The following ZMYM2 variants were observed in gnomAD, a reference collection of about 807,000 sequenced individuals.
The protein encoded by ZMYM2 is zinc finger MYM-type containing 2.
In ZMYM2, 56 loss-of-function variants were observed where a neutral mutation model predicts 162.8. The ratio of observed to expected loss-of-function variants is 0.34; its 90% CI spans 0.28 to 0.43. The LOEUF (loss-of-function observed/expected upper bound fraction) is 0.43, where lower values mean the gene tolerates loss of function less well. ZMYM2 is among the 20% of genes least tolerant of loss of function. ZMYM2 has a pLI of 1.00. For synonymous variants in ZMYM2, 510 were observed against 541.6 expected (o/e 0.94, Z 0.81); for missense variants, 1,275 against 1,621.8 (o/e 0.79, Z 3.67).
At chr13:19,864,270 G>T in the ZMYM2 span, 1 of 154,948 alleles carries the variant, frequency 6.5e-6, no homozygotes, top group Non-Finnish European at 1.5e-5. Context: ...GCCGCGCCCC[G>T]TGGGGAATAG....
At chr13:19,904,452 G>A in the ZMYM2 span, among the ~76,000 whole-genome samples, 7 of 152,096 alleles carry the variant, frequency 4.6e-5, no homozygotes, top group African/African-American at 1.2e-4. Context: ...CAGCTACTTG[G>A]GGGGCTGAGG....
intron 2 of ZMYM2, among the ~76,000 whole-genome samples, chr13:19,966,546 C>T (rs550379111): frequency 1.2e-4 from 18 of 151,824 alleles, no homozygotes; most frequent in Non-Finnish European, 2.6e-4. Flanking sequence ...CCCCTACCTC[C>T]TGGTTTCAAG....
chr13:20,016,097 G>C (rs1315107002), intron 6 of ZMYM2, among the ~76,000 whole-genome samples: 1 of 150,658 alleles, frequency 6.6e-6, no homozygotes, highest in Non-Finnish European at 1.5e-5. Context: ...CTCATTTCCT[G>C]CATTATGGCT....
intron 2 of ZMYM2, among the ~76,000 whole-genome samples, chr13:19,968,074 T>C (rs1229570133): frequency 6.6e-6 from 1 of 152,212 alleles, no homozygotes; most frequent in African/African-American, 2.4e-5. Flanking sequence ...ATCCACTGTC[T>C]GATCTGCACT....
chr13:20,078,484 T>C (rs1957674330), intron 21 of ZMYM2, among the ~76,000 whole-genome samples: 1 of 152,252 alleles, frequency 6.6e-6, no homozygotes. Context: ...TGACAATACT[T>C]GTCTGAACAA....
intron 4 of ZMYM2, 118 bp downstream of exon 4, chr13:20,003,253 A>G: frequency 1.6e-6 from 2 of 1,234,030 alleles, no homozygotes; most frequent in Non-Finnish European, 2.2e-6. Flanking sequence ...TCCAGGTGGC[A>G]TATGGATAAA....
chr13:19,962,513 ATATTTTTTTTTTTTT>A (rs1268487068), intron 2 of ZMYM2, among the ~76,000 whole-genome samples: 8 of 59,096 alleles, frequency 1.4e-4, no homozygotes, highest in Non-Finnish European at 2.3e-4. Flanking sequence ...ATATATATAT[ATATTTTTTTTTTTTT>A]TTTTTTTTTT....
At chr13:20,053,401 C>T (rs1310550118) in intron 14 of ZMYM2, among the ~76,000 whole-genome samples, 1 of 152,210 alleles carries the variant, frequency 6.6e-6, no homozygotes, top group Non-Finnish European at 1.5e-5. Flanking sequence ...TGGCTCACGC[C>T]TGTAATCCCT....
chr13:19,937,842 C>T, the ZMYM2 span, among the ~76,000 whole-genome samples: 24 of 143,120 alleles, frequency 1.7e-4, no homozygotes, highest in East Asian at 4.2e-4. Context: ...TCTGTGTCCA[C>T]GTGTTCTCAT....
the ZMYM2 span, among the ~76,000 whole-genome samples, chr13:19,906,573 G>A: frequency 6.7e-6 from 1 of 149,692 alleles, no homozygotes; most frequent in East Asian, 2.0e-4. Flanking sequence ...TCTTAGACAG[G>A]GATTAAGATC....
chr13:19,937,490 G>A, the ZMYM2 span, among the ~76,000 whole-genome samples: 1 of 138,732 alleles, frequency 7.2e-6, no homozygotes, highest in Non-Finnish European at 1.5e-5. Context: ...CAGAGTCTCA[G>A]TCTCGTTATG....
rs557856167 is a variant in ZMYM2 at position 20,021,036 on chromosome 13, C to T, written c.1584+1418C>T. Reference sequence around the variant, plus strand: ...TGTCACCCAGGCTGGAGTGCAGTGGCGTGATCTCTGCTCACTGCAAGCTCT... The same window carrying T: ...TGTCACCCAGGCTGGAGTGCAGTGGTGTGATCTCTGCTCACTGCAAGCTCT... On this transcript the variant is annotated intron_variant, in intron 7 of 24. Coordinates refer to ENST00000610343, the MANE Select transcript of ZMYM2 (RefSeq NM_197968.4). Among the ~76,000 whole-genome samples, 502 of 151,112 alleles carry T rather than the reference C, an allele frequency of 3.3e-3. 3 individuals are homozygous for T. The highest frequency in any genetic ancestry group is 0.012 in the African/African-American group (487 of 41,238).
chr13:20,034,455 T>A (rs539150798), intron 11 of ZMYM2, 51 bp downstream of exon 11: 2 of 1,394,726 alleles, frequency 1.4e-6, no homozygotes, highest in Admixed American at 5.6e-5. Flanking sequence ...ATTTAATGTT[T>A]TTTGCCAAAA....
chr13:19,875,558 G>A, the ZMYM2 span, among the ~76,000 whole-genome samples: 1 of 147,704 alleles, frequency 6.8e-6, no homozygotes, highest in African/African-American at 2.5e-5. Flanking sequence ...AACCCGGGAG[G>A]CGGAGCTTGC....
chr13:20,053,593 AG>A (rs1310414419), intron 14 of ZMYM2, among the ~76,000 whole-genome samples: 2 of 152,174 alleles, frequency 1.3e-5, no homozygotes, highest in Non-Finnish European at 2.9e-5. Flanking sequence ...CAGAGGTTGC[AG>A]TGAGCCAAGA....
At chr13:19,895,091 A>AG in the ZMYM2 span, among the ~76,000 whole-genome samples, 1 of 150,852 alleles carries the variant, frequency 6.6e-6, no homozygotes, top group Non-Finnish European at 1.5e-5. Flanking sequence ...AAAAAAAAAA[A>AG]AAAAAAGAAA....
intron 3 of ZMYM2, among the ~76,000 whole-genome samples, chr13:19,997,290 A>G (rs1208858401): frequency 1.3e-5 from 2 of 152,216 alleles, no homozygotes; most frequent in East Asian, 1.9e-4. Flanking sequence ...TTGTAGGTCT[A>G]TGATGAAATA....
intron 21 of ZMYM2, among the ~76,000 whole-genome samples, chr13:20,080,630 C>T (rs940836784): frequency 1.1e-4 from 17 of 152,138 alleles, no homozygotes; most frequent in African/African-American, 3.6e-4. Context: ...GCTGGAGCTA[C>T]AGGCACATGC....
At chr13:20,046,156 G>A (rs183330656) in intron 12 of ZMYM2, among the ~76,000 whole-genome samples, 1 of 151,976 alleles carries the variant, frequency 6.6e-6, no homozygotes, top group South Asian at 2.1e-4. Flanking sequence ...GCAGGCTGAG[G>A]CAAGAGAATT....
Sources: allele counts gnomAD v4.1 joint callset (sites outside exome capture counted in the v4.1 genomes callset), GRCh38; gene constraint gnomAD v4.1.1; transcripts MANE v1.5; gene names NCBI Gene and HGNC (gene_info 2026-07-23, HGNC 2026-07-21).